Variants in UTP14C observed in about 807,000 individuals in gnomAD.
The protein encoded by UTP14C is UTP14C small subunit processome component, also known as U3 small nucleolar RNA-associated protein 14 homolog C.
Under a neutral mutation model 14.6 loss-of-function variants are expected in UTP14C, and 10 were observed. The ratio of observed to expected loss-of-function variants is 0.68; its 90% CI spans 0.42 to 1.16. The LOEUF (loss-of-function observed/expected upper bound fraction) is 1.16. UTP14C is among the 50% of genes most tolerant of loss of function. The pLI, the probability that UTP14C is intolerant of heterozygous loss-of-function variation, is 0.00. For synonymous variants in UTP14C, 315 were observed against 331.6 expected (o/e 0.95, Z 0.54); for missense variants, 818 against 890.8 (o/e 0.92, Z 1.04).
chr13:52,031,048 C>T lies in UTP14C; in HGVS notation c.2244C>T (p.Val748=), dbSNP rs750382365. The T allele has an allele frequency of 4.3e-5, 69 of 1,614,018 alleles. No homozygotes were observed. The highest frequency in any genetic ancestry group is 5.7e-5 in the Non-Finnish European group (67 of 1,180,024). The part of the protein sequence containing the change: ...YQSSSRSDLP[V]IQRNPKRITT... ...CTTCCTCAAGGTCAGACCTGCCTGT[C>T]ATACAGAGGAATCCAAAACGAATCA... The change falls in exon 2 of 2, where the codon GTC becomes GTT. Residue 748 remains valine (V), a synonymous_variant. Coordinates refer to ENST00000521776, the MANE Select transcript of UTP14C (RefSeq NM_021645.6).
At chr13:52,025,108 C>T (rs1954228343) in intron 1 of UTP14C, among the ~76,000 whole-genome samples, 171 bp downstream of exon 1, 1 of 152,174 alleles carries the variant, frequency 6.6e-6, no homozygotes, top group Non-Finnish European at 1.5e-5. Context: ...TTAATAATAG[C>T]AGCTAGTATT....
At position 52,029,548 on chromosome 13, in the gene UTP14C, T is replaced by TA. The variant is rs757424897; in HGVS notation, c.749dup (p.Tyr251ValfsTer18). The stretch of plus-strand genomic sequence containing the variant: ...CTCGAAAAGAGAAGAAAATCAAAAG[T>TA]AAAAAGTATCACAAAGTCGTGAAGA... On this transcript the variant is annotated frameshift_variant, in exon 2 of 2. Transcript: ENST00000521776. LOFTEE classifies it low-confidence loss of function (END_TRUNC). 5.1e-5 allele frequency: 82 copies of TA among 1,613,374 alleles called. 2 individuals are homozygous for TA. The South Asian group carries it at 5.3e-4, about 10-fold the overall frequency.
In UTP14C at chr13:52,024,896, C is replaced by G. The variant is rs1268986115; in HGVS notation, c.-528C>G. 6.2e-7 allele frequency: 1 copy of G among 1,612,630 alleles called. No individual in the cohort carries two copies. Among genetic ancestry groups the G allele is most frequent in the Non-Finnish European group, 8.5e-7 (1 of 1,180,030 alleles). On this transcript the variant is annotated 5_prime_UTR_variant, in exon 1 of 2. Transcript: ENST00000521776. ...TTAAAGAATTATTTGTCTGAAGCAA[C>G]AATTGGTCTGCATACCATGTGGAAC...
Position 52,029,839 on chromosome 13 carries a change from G to A in UTP14C, c.1035G>A (p.Glu345=). ...KLQVASESEE[E]EGGTEVEELL... ...AGGTAGCCTCTGAGAGTGAGGAAGAGGAGGGAGGCACAGAAGTGGAAGAAC... is the reference window on the plus strand; with the variant it reads ...AGGTAGCCTCTGAGAGTGAGGAAGAAGAGGGAGGCACAGAAGTGGAAGAAC... The change falls in exon 2 of 2, where the codon GAG becomes GAA. Residue 345 remains glutamate (E), a synonymous_variant. Transcript: ENST00000521776. The A allele has an allele frequency of 1.2e-6, 2 of 1,614,214 alleles. No homozygotes were observed. The highest frequency in any genetic ancestry group is 8.5e-7 in the Non-Finnish European group (1 of 1,180,042).
rs1266826686 is a variant in UTP14C at position 52,029,275 on chromosome 13, T to C, written c.471T>C (p.Val157=). Residue 157 remains valine, a synonymous_variant, in exon 2 of 2, where the codon GTT becomes GTC. Coordinates refer to ENST00000521776, the MANE Select transcript of UTP14C (RefSeq NM_021645.6). The part of the protein sequence containing the change: ...ILKNQQAEQL[V]FPLGKEQPAI... ...AGAACCAGCAGGCAGAGCAGCTGGT[T>C]TTTCCCCTGGGGAAGGAGCAGCCAG... 1.2e-6 allele frequency: 2 copies of C among 1,613,982 alleles called. No homozygotes were observed. Among genetic ancestry groups the C allele is most frequent in the African/African-American group, 2.7e-5 (2 of 74,884 alleles).
In UTP14C at chr13:52,029,724, C is replaced by G. The variant is rs1188367531; in HGVS notation, c.920C>G (p.Ser307Ter). 3 of 1,614,050 alleles carry G rather than the reference C, an allele frequency of 1.9e-6. No individual in the cohort carries two copies. Among genetic ancestry groups the G allele is most frequent in the African/African-American group, 2.7e-5 (2 of 74,920 alleles). ...CAAAACAGTGGGAAATGGGCCAAGTCAAAGGCAATTATGGCCAAATATGAC... is the reference window on the plus strand; with the variant it reads ...CAAAACAGTGGGAAATGGGCCAAGTGAAAGGCAATTATGGCCAAATATGAC... ...KHQNSGKWAK[S>*]KAIMAKYDLE... Residue 307 changes from serine (S) to a stop codon, truncating the protein, a stop_gained, in exon 2 of 2, where the codon TCA becomes TGA. Transcript: ENST00000521776. LOFTEE classifies it low-confidence loss of function (END_TRUNC).
In UTP14C at chr13:52,032,818, A is replaced by C. The variant is rs1954318376; in HGVS notation, c.*1713A>C. ...TATTTTCAGCTTTACAGACAAGAAC[A>C]ATTTAAATCTAAAGAATTTAGTAGA... On this transcript the variant is annotated 3_prime_UTR_variant, in exon 2 of 2. Transcript: ENST00000521776. 1 of 167,118 alleles carries C rather than the reference A, an allele frequency of 6.0e-6. No homozygotes were observed. Among genetic ancestry groups the C allele is most frequent in the South Asian group, 2.1e-4 (1 of 4,832 alleles). The allele number at this position is 167,118 out of a possible 1,614,324, so 10.4% of individuals were successfully genotyped here.
Position 52,024,711 on chromosome 13 carries a change from TAAGAA to T in UTP14C, c.-712_-708del. The T allele has an allele frequency of 6.2e-7, 1 of 1,614,220 alleles. No individual in the cohort carries two copies. Among genetic ancestry groups the T allele is most frequent in the Non-Finnish European group, 8.5e-7 (1 of 1,180,024 alleles). ...TCAGAGCCTTTGCTAAATTGCTGAATAAGAAGATGGTTGAGTCACCTCCTTCGCTT... is the reference window on the plus strand; with the variant it reads ...TCAGAGCCTTTGCTAAATTGCTGAATGATGGTTGAGTCACCTCCTTCGCTT... On this transcript the variant is annotated 5_prime_UTR_variant, in exon 1 of 2. The change creates a new upstream start codon in the 5' untranslated region. Transcript: ENST00000521776.
Position 52,030,126 on chromosome 13 carries a change from C to G in UTP14C, c.1322C>G (p.Ala441Gly), listed in dbSNP as rs1360096715. 6.2e-7 allele frequency: 1 copy of G among 1,614,070 alleles called. No individual in the cohort carries two copies. Among genetic ancestry groups the G allele is most frequent in the Non-Finnish European group, 8.5e-7 (1 of 1,180,040 alleles). The part of the protein sequence containing the change: ...RSELNQDAEP[A>G]SSQETKDSSS... Reference sequence around the variant, plus strand: ...GAGCTCAACCAGGATGCTGAGCCAGCAAGCAGTCAAGAAACAAAAGATTCT... The same window carrying G: ...GAGCTCAACCAGGATGCTGAGCCAGGAAGCAGTCAAGAAACAAAAGATTCT... The change falls in exon 2 of 2, where the codon GCA becomes GGA. Residue 441 changes from alanine to glycine, a missense_variant. Ala to Gly is a moderately conservative substitution (Grantham distance 60, BLOSUM62 0). Transcript: ENST00000521776.
chr13:52,030,516 G>A lies in UTP14C; in HGVS notation c.1712G>A (p.Arg571Lys), dbSNP rs77339766. Reference protein sequence around the residue: ...NFLTTQSPSVRSLAVPTIIEE... With the variant: ...NFLTTQSPSVKSLAVPTIIEE... ...CTGACCACACAGTCTCCTTCCGTGA[G>A]GTCTTTGGCAGTTCCCACAATAATA... Residue 571 changes from arginine to lysine, a missense_variant, in exon 2 of 2, where the codon AGG becomes AAG. Coordinates refer to ENST00000521776, the MANE Select transcript of UTP14C (RefSeq NM_021645.6). 3.7e-6 allele frequency: 6 copies of A among 1,614,106 alleles called. No homozygotes were observed. Among genetic ancestry groups the A allele is most frequent in the Non-Finnish European group, 4.2e-6 (5 of 1,180,044 alleles).
Position 52,030,853 on chromosome 13 carries a change from G to C in UTP14C, c.2049G>C (p.Val683=). Residue 683 remains valine, a synonymous_variant, in exon 2 of 2, where the codon GTG becomes GTC. Transcript: ENST00000521776. ...ACGCAGCAGCTCATCAGGTACAAGT[G>C]CTTCCATATCCATTTACCCACCATC... ...NIHAAAHQVQ[V]LPYPFTHHRQ... is the part of the protein sequence containing the mutation. 1 of 1,614,138 alleles carries C rather than the reference G, an allele frequency of 6.2e-7. No individual in the cohort carries two copies. The highest frequency in any genetic ancestry group is 1.1e-5 in the South Asian group (1 of 91,076).
chr13:52,030,099 C>G lies in UTP14C; in HGVS notation c.1295C>G (p.Ser432Cys), dbSNP rs368412759. The change falls in exon 2 of 2, where the codon TCT (serine) becomes TGT (cysteine). Residue 432 changes from serine to cysteine, a missense_variant. Physicochemically the swap from Ser to Cys is moderately radical, Grantham distance 112. Coordinates refer to ENST00000521776, the MANE Select transcript of UTP14C (RefSeq NM_021645.6). The part of the protein sequence containing the change: ...FEERQSLRKR[S>C]ELNQDAEPAS... The stretch of plus-strand genomic sequence containing the variant: ...GAAAGGCAATCCCTTAGAAAAAGAT[C>G]TGAGCTCAACCAGGATGCTGAGCCA... 1 of 1,614,136 alleles carries G rather than the reference C, an allele frequency of 6.2e-7. No individual in the cohort carries two copies. Among genetic ancestry groups the G allele is most frequent in the Non-Finnish European group, 8.5e-7 (1 of 1,180,054 alleles).
rs142957523 is a variant in UTP14C at position 52,030,541 on chromosome 13, A to G, written c.1737A>G (p.Ile579Met). 1.0e-4 allele frequency: 162 copies of G among 1,614,068 alleles called. 1 individual carries two copies. Among genetic ancestry groups the G allele is most frequent in the Non-Finnish European group, 1.3e-4 (159 of 1,180,044 alleles). ...SVRSLAVPTI[I>M]EELEDEEERD... ...GGTCTTTGGCAGTTCCCACAATAAT[A>G]GAGGAGCTGGAAGATGAAGAGGAGA... is the stretch of plus-strand genomic sequence containing the variant. Residue 579 changes from isoleucine to methionine, a missense_variant, in exon 2 of 2, where the codon ATA (isoleucine) becomes ATG (methionine). Transcript: ENST00000521776.
chr13:52,030,445 T>C lies in UTP14C; in HGVS notation c.1641T>C (p.Pro547=). ...CCCCAAATAATCGGCCTGATGCCCCTAAGGAGAAGAAAGAGAAGGAGCAAC... is the reference window on the plus strand; with the variant it reads ...CCCCAAATAATCGGCCTGATGCCCCCAAGGAGAAGAAAGAGAAGGAGCAAC... ...ERTPNNRPDA[P]KEKKEKEQLI... The change falls in exon 2 of 2, where the codon CCT becomes CCC. Residue 547 remains proline (P), a synonymous_variant. Transcript: ENST00000521776. The C allele has an allele frequency of 6.2e-7, 1 of 1,614,160 alleles. No homozygotes were observed. The highest frequency in any genetic ancestry group is 8.5e-7 in the Non-Finnish European group (1 of 1,180,038).
chr13:52,028,324 G>A lies in UTP14C; in HGVS notation c.-481G>A. 6.2e-7 allele frequency: 1 copy of A among 1,614,128 alleles called. No homozygotes were observed. ...ATTTGTGTTTTTTTTCTCAGGAGTTGTGGAGTGTATGGCAGCTGGCACAAT... is the reference window on the plus strand; with the variant it reads ...ATTTGTGTTTTTTTTCTCAGGAGTTATGGAGTGTATGGCAGCTGGCACAAT... On this transcript the variant is annotated 5_prime_UTR_variant, in exon 2 of 2. The change creates a new upstream start codon in the 5' untranslated region. Transcript: ENST00000521776.
In UTP14C at chr13:52,030,359, G is replaced by A; in HGVS notation, c.1555G>A (p.Asp519Asn). 6.2e-7 allele frequency: 1 copy of A among 1,614,198 alleles called. No individual in the cohort carries two copies. The highest frequency in any genetic ancestry group is 1.1e-5 in the South Asian group (1 of 91,084). ...AGAGCTAGAAGAGCTGGGAAAAGAA[G>A]ATTGTTTTCAAAATAAGGAGCTTCC... ...LEELEELGKE[D>N]CFQNKELPRP... Residue 519 changes from aspartate (D) to asparagine (N), a missense_variant, in exon 2 of 2, where the codon GAT becomes AAT. Transcript: ENST00000521776.
At position 52,029,956 on chromosome 13, in the gene UTP14C, G is replaced by A; in HGVS notation, c.1152G>A (p.Glu384=). 1 of 1,614,212 alleles carries A rather than the reference G, an allele frequency of 6.2e-7. No homozygotes were observed. Among genetic ancestry groups the A allele is most frequent in the Non-Finnish European group, 8.5e-7 (1 of 1,180,038 alleles). ...MFRSCTSDTK[E]AATQEDPEQV... is the part of the protein sequence containing the mutation. ...GGAGCTGCACCAGTGACACCAAAGA[G>A]GCTGCAACACAGGAGGACCCTGAGC... Residue 384 remains glutamate, a synonymous_variant, in exon 2 of 2, where the codon GAG becomes GAA. Coordinates refer to ENST00000521776, the MANE Select transcript of UTP14C (RefSeq NM_021645.6).
Position 52,031,021 on chromosome 13 carries a change from G to A in UTP14C, c.2217G>A (p.Gln739=), listed in dbSNP as rs1411891524. ...KPIKAEDVGY[Q]SSSRSDLPVI... is the part of the protein sequence containing the mutation. ...TAAAAGCAGAGGATGTGGGCTACCA[G>A]TCTTCCTCAAGGTCAGACCTGCCTG... The change falls in exon 2 of 2, where the codon CAG becomes CAA. Residue 739 remains glutamine (Q), a synonymous_variant. Transcript: ENST00000521776. 4 of 1,614,062 alleles carry A rather than the reference G, an allele frequency of 2.5e-6. No homozygotes were observed. The highest frequency in any genetic ancestry group is 1.1e-5 in the South Asian group (1 of 91,084).
chr13:52,030,782 G>C lies in UTP14C; in HGVS notation c.1978G>C (p.Asp660His), dbSNP rs1566714767. Residue 660 changes from aspartate (D) to histidine (H), a missense_variant, in exon 2 of 2, where the codon GAT becomes CAT. Physicochemically the swap from Asp to His is moderately conservative, Grantham distance 81. Transcript: ENST00000521776. ...AGCCCCTGAGGGTCCTCCAAGAAAA[G>C]ATAAGAATTTGCCAAATGTGATTAT... ...IKAPEGPPRKDKNLPNVIISE... is the reference protein window; with the variant it reads ...IKAPEGPPRKHKNLPNVIISE... The C allele has an allele frequency of 1.2e-6, 2 of 1,614,180 alleles. No individual in the cohort carries two copies. Among genetic ancestry groups the C allele is most frequent in the East Asian group, 2.2e-5 (1 of 44,882 alleles).
Sources: gnomAD v4.1 joint callset for allele counts (sites outside exome capture counted in the v4.1 genomes callset) on GRCh38, gnomAD v4.1.1 for gene constraint, MANE v1.5 for transcripts, NCBI Gene and HGNC (gene_info 2026-07-23, HGNC 2026-07-21) for gene names.